GABRB1: variants seen among roughly 807,000 people sequenced by gnomAD.
The protein encoded by GABRB1 is gamma-aminobutyric acid receptor subunit beta-1.
In GABRB1, 17 loss-of-function variants were observed where a neutral mutation model predicts 51.6. The ratio of observed to expected loss-of-function variants is 0.33; its 90% CI spans 0.23 to 0.49. GABRB1 has a LOEUF of 0.49. GABRB1 is among the 20% of genes least tolerant of loss of function. The pLI is 0.99. For missense variants in GABRB1, 410 were observed against 600.6 expected (o/e 0.68, Z 3.32); for synonymous variants, 247 against 218.9 (o/e 1.13, Z -1.14).
At chr4:47,299,928 A>T (rs979787778) in intron 4 of GABRB1, among the ~76,000 whole-genome samples, 2 of 152,018 alleles carry the variant, frequency 1.3e-5, no homozygotes, top group Non-Finnish European at 2.9e-5. Flanking sequence ...TGATGAGTTC[A>T]TGTCCTTTGT....
intron 8 of GABRB1, among the ~76,000 whole-genome samples, chr4:47,412,089 G>T (rs1728776986): frequency 6.6e-6 from 1 of 152,116 alleles, no homozygotes; most frequent in Admixed American, 6.6e-5. Context: ...GCTGTTAATT[G>T]TTCTTATGGG....
intron 5 of GABRB1, among the ~76,000 whole-genome samples, chr4:47,354,354 G>A (rs999043059): frequency 2.6e-5 from 4 of 152,166 alleles, no homozygotes; most frequent in Non-Finnish European, 4.4e-5. Context: ...AGTGTGCTGT[G>A]TAAATTCCCT....
At chr4:47,159,826 C>T (rs533432714) in intron 3 of GABRB1, among the ~76,000 whole-genome samples, 30 of 151,950 alleles carry the variant, frequency 2.0e-4, no homozygotes, top group Admixed American at 8.5e-4. Context: ...ATTCTTTTTC[C>T]CCACTGGTAT....
intron 8 of GABRB1, among the ~76,000 whole-genome samples, chr4:47,409,870 A>G (rs1728703371): frequency 6.6e-6 from 1 of 152,234 alleles, no homozygotes; most frequent in Admixed American, 6.5e-5. Flanking sequence ...ATTTTTTAAG[A>G]TGATAAAGAT....
chr4:47,050,957 G>A (rs1411737328), intron 3 of GABRB1, among the ~76,000 whole-genome samples: 2 of 152,008 alleles, frequency 1.3e-5, no homozygotes, highest in Non-Finnish European at 2.9e-5. Context: ...TTATTACTGG[G>A]CCCACCCTGG....
chr4:47,121,461 A>G (rs1215755910), intron 3 of GABRB1, among the ~76,000 whole-genome samples: 1 of 152,170 alleles, frequency 6.6e-6, no homozygotes. Context: ...TGGTTTTTAG[A>G]AGGTGCTTTT....
At chr4:47,237,312 A>G (rs1415771565) in intron 4 of GABRB1, among the ~76,000 whole-genome samples, 1 of 152,070 alleles carries the variant, frequency 6.6e-6, no homozygotes, top group African/African-American at 2.4e-5. Context: ...CATACTTTGC[A>G]CCAGGGACTA....
At chr4:47,102,837 C>T (rs1168625111) in intron 3 of GABRB1, among the ~76,000 whole-genome samples, 1 of 151,940 alleles carries the variant, frequency 6.6e-6, no homozygotes. Context: ...AAAACTAGAA[C>T]TAGGAGAGCA....
At chr4:47,366,461 C>T (rs1560353705) in intron 5 of GABRB1, among the ~76,000 whole-genome samples, 1 of 152,176 alleles carries the variant, frequency 6.6e-6, no homozygotes, top group Non-Finnish European at 1.5e-5. Context: ...TCTGTAAAGA[C>T]ATTCTCATTA....
intron 4 of GABRB1, among the ~76,000 whole-genome samples, chr4:47,228,767 T>C (rs1721040312): frequency 6.6e-6 from 1 of 152,124 alleles, no homozygotes. Flanking sequence ...GAGTTGTTTG[T>C]ATCCTCCCGT....
At chr4:47,255,963 A>G (rs1386434151) in intron 4 of GABRB1, among the ~76,000 whole-genome samples, 1 of 152,234 alleles carries the variant, frequency 6.6e-6, no homozygotes, top group Non-Finnish European at 1.5e-5. Context: ...AATAACCTGG[A>G]TATCTACTGA....
intron 4 of GABRB1, among the ~76,000 whole-genome samples, chr4:47,218,792 A>T (rs1210172815): frequency 2.0e-5 from 3 of 151,816 alleles, no homozygotes; most frequent in Admixed American, 2.0e-4. Context: ...AAAGTTCATG[A>T]GTGATAAACA....
chr4:47,249,945 G>A (rs1721919482), intron 4 of GABRB1, among the ~76,000 whole-genome samples: 1 of 152,152 alleles, frequency 6.6e-6, no homozygotes, highest in Admixed American at 6.5e-5. Context: ...GTATTGAGAT[G>A]TGAGGTACGG....
intron 3 of GABRB1, among the ~76,000 whole-genome samples, chr4:47,079,252 T>A (rs1214456839): frequency 6.6e-6 from 1 of 151,996 alleles, no homozygotes; most frequent in Non-Finnish European, 1.5e-5. Flanking sequence ...TGGACTTTTT[T>A]TGGTTGGTAA....
intron 5 of GABRB1, among the ~76,000 whole-genome samples, chr4:47,357,309 A>G (rs530934736): frequency 0.013 from 1,925 of 152,272 alleles, 32 homozygotes; most frequent in African/African-American, 0.037. Flanking sequence ...GAAGACTGGA[A>G]AAAGATTGTA....
chr4:47,376,811 A>G (rs1727398874), intron 5 of GABRB1, among the ~76,000 whole-genome samples: 1 of 152,188 alleles, frequency 6.6e-6, no homozygotes, highest in South Asian at 2.1e-4. Context: ...TTCTTCCTCA[A>G]CCCCAGTGAG....
intron 4 of GABRB1, among the ~76,000 whole-genome samples, chr4:47,241,181 C>G (rs1431986315): frequency 6.6e-6 from 1 of 152,140 alleles, no homozygotes; most frequent in Non-Finnish European, 1.5e-5. Context: ...GAAAATCTGT[C>G]TACAATGATT....
At chr4:47,349,925 C>A (rs1726245529) in intron 5 of GABRB1, among the ~76,000 whole-genome samples, 1 of 151,922 alleles carries the variant, frequency 6.6e-6, no homozygotes, top group Non-Finnish European at 1.5e-5. Flanking sequence ...CTTTATAGCC[C>A]TCTTACATAT....
At chr4:47,129,489 A>T (rs747804095) in intron 3 of GABRB1, among the ~76,000 whole-genome samples, 2 of 152,240 alleles carry the variant, frequency 1.3e-5, no homozygotes, top group Non-Finnish European at 2.9e-5. Context: ...AGTTCCTATG[A>T]TGTGCCAGGC....
Sources: allele counts gnomAD v4.1 joint callset (sites outside exome capture counted in the v4.1 genomes callset), GRCh38; gene constraint gnomAD v4.1.1; transcripts MANE v1.5; gene names NCBI Gene and HGNC (gene_info 2026-07-23, HGNC 2026-07-21).